Variants in DKK2 observed in about 807,000 individuals in gnomAD.
DKK2 encodes the protein dickkopf-related protein 2.
In DKK2, 11 loss-of-function variants were observed where a neutral mutation model predicts 28.1. The ratio of observed to expected loss-of-function variants is 0.39; its 90% CI spans 0.25 to 0.65. The LOEUF is 0.65. Among genes scored for constraint, DKK2 ranks in the 30% least tolerant of loss-of-function variants. The probability of loss-of-function intolerance (pLI) is 0.47; values close to 1 mark genes in which losing one functional copy is unlikely to be tolerated. For synonymous variants in DKK2, 135 were observed against 126.5 expected (o/e 1.07, Z -0.45); for missense variants, 326 against 335.5 (o/e 0.97, Z 0.22).
At chr4:106,977,899 G>C (rs62314191) in intron 1 of DKK2, among the ~76,000 whole-genome samples, 1 of 152,250 alleles carries the variant, frequency 6.6e-6, no homozygotes, top group African/African-American at 2.4e-5. Flanking sequence ...CTTTGATGTT[G>C]GTGACCTTCA....
At chr4:107,025,585 A>C (rs1723766735) in intron 1 of DKK2, among the ~76,000 whole-genome samples, 1 of 152,196 alleles carries the variant, frequency 6.6e-6, no homozygotes, top group South Asian at 2.1e-4. Context: ...AGCAGCCTGC[A>C]TTCTTAGCAG....
At chr4:107,027,740 A>ACCT (rs971896127) in intron 1 of DKK2, among the ~76,000 whole-genome samples, 7 of 145,696 alleles carry the variant, frequency 4.8e-5, no homozygotes, top group Non-Finnish European at 1.0e-4. Context: ...CTTGCTTATG[A>ACCT]CCTCCACCTA....
At chr4:106,969,192 G>A (rs1722825447) in intron 1 of DKK2, among the ~76,000 whole-genome samples, 1 of 151,212 alleles carries the variant, frequency 6.6e-6, no homozygotes, top group Non-Finnish European at 1.5e-5. Context: ...CCTTTGCTCT[G>A]CTTTTGCTCA....
At chr4:106,946,554 TAGAC>T (rs774458238) in intron 1 of DKK2, among the ~76,000 whole-genome samples, 3 of 152,070 alleles carry the variant, frequency 2.0e-5, no homozygotes, top group East Asian at 1.9e-4. Flanking sequence ...CTCTGCAACA[TAGAC>T]AGAACTCCCA....
intron 1 of DKK2, among the ~76,000 whole-genome samples, chr4:106,964,309 A>T (rs925143822): frequency 1.3e-5 from 2 of 152,134 alleles, no homozygotes; most frequent in Non-Finnish European, 2.9e-5. Flanking sequence ...AAAAATATTG[A>T]ACTCCTGGAG....
chr4:106,967,050 C>A (rs1722793368), intron 1 of DKK2, among the ~76,000 whole-genome samples: 1 of 152,060 alleles, frequency 6.6e-6, no homozygotes, highest in African/African-American at 2.4e-5. Flanking sequence ...GTATTTAAAG[C>A]TTTACAGTTA....
In DKK2 at chr4:106,926,090, G is replaced by A. The variant is rs1401490749; in HGVS notation, c.223-141C>T. 5 of 902,196 alleles carry A rather than the reference G, an allele frequency of 5.5e-6. No homozygotes were observed. In the East Asian group the frequency reaches 1.4e-4, roughly 25 times the overall value. The allele number at this position is 902,196 out of a possible 1,614,324, so 55.9% of individuals were successfully genotyped here. On this transcript the variant is annotated intron_variant, in intron 1 of 3. Transcript: ENST00000285311. ...AACTATACCATCATCATAATGTTCT[G>A]AACCTAGAGCCTAAGTAGTCACACT...
At chr4:106,960,410 G>C (rs1469124906) in intron 1 of DKK2, among the ~76,000 whole-genome samples, 1 of 151,982 alleles carries the variant, frequency 6.6e-6, no homozygotes, top group Non-Finnish European at 1.5e-5. Context: ...ATGGATACTG[G>C]AGACTCAGAA....
rs539098254 is a variant in DKK2 at position 106,945,286 on chromosome 4, A to T, written c.223-19337T>A. On this transcript the variant is annotated intron_variant, in intron 1 of 3. Transcript: ENST00000285311. The stretch of plus-strand genomic sequence containing the variant: ...GATGCTTCCAAGAAACATTAGAATG[A>T]TTTTCTTATATAGAAATGTTAATAA... 4.3e-4 allele frequency among the ~76,000 whole-genome samples: 66 copies of T among 152,248 alleles called. No homozygotes were observed. In the South Asian group the frequency reaches 0.014, roughly 32 times the overall value.
intron 3 of DKK2, 51 bp from the exon 4 acceptor site, chr4:106,924,255 A>C (rs1724392904): frequency 6.3e-7 from 1 of 1,584,476 alleles, no homozygotes; most frequent in Non-Finnish European, 8.6e-7. Context: ...AGAAAAAAAA[A>C]ATTCTATTTT....
chr4:106,962,080 C>T (rs1722695117), intron 1 of DKK2, among the ~76,000 whole-genome samples: 1 of 152,144 alleles, frequency 6.6e-6, no homozygotes, highest in Non-Finnish European at 1.5e-5. Flanking sequence ...GAAAACAGGA[C>T]ATCTTTATTT....
chr4:106,946,595 G>A (rs1724779962), intron 1 of DKK2, among the ~76,000 whole-genome samples: 1 of 152,050 alleles, frequency 6.6e-6, no homozygotes, highest in Non-Finnish European at 1.5e-5. Context: ...GCAGCCAGCT[G>A]AAGACATAAT....
At chr4:106,941,066 A>G (rs559895882) in intron 1 of DKK2, among the ~76,000 whole-genome samples, 3 of 152,108 alleles carry the variant, frequency 2.0e-5, no homozygotes, top group African/African-American at 7.2e-5. Flanking sequence ...TATGTAACTA[A>G]CCTGCACAAT....
At chr4:106,925,749 T>C in intron 2 of DKK2, 50 bp downstream of exon 2, 1 of 1,563,940 alleles carries the variant, frequency 6.4e-7, no homozygotes, top group South Asian at 1.2e-5. Flanking sequence ...GAGACAGGCT[T>C]ATGATGATGA....
At chr4:106,956,973 A>G (rs1382353584) in intron 1 of DKK2, among the ~76,000 whole-genome samples, 1 of 151,676 alleles carries the variant, frequency 6.6e-6, no homozygotes, top group Non-Finnish European at 1.5e-5. Context: ...GCAACCTACA[A>G]AATGGGAGAA....
intron 1 of DKK2, among the ~76,000 whole-genome samples, chr4:107,023,452 T>C (rs1723725244): frequency 6.6e-6 from 1 of 151,980 alleles, no homozygotes; most frequent in African/African-American, 2.4e-5. Context: ...CTAGATACAG[T>C]ACAAAGATAA....
intron 1 of DKK2, among the ~76,000 whole-genome samples, chr4:106,992,545 T>C (rs1339797923): frequency 6.6e-6 from 1 of 152,186 alleles, no homozygotes; most frequent in South Asian, 2.1e-4. Context: ...GGATTGTATA[T>C]GAAAATAAAT....
intron 1 of DKK2, among the ~76,000 whole-genome samples, chr4:106,993,219 C>T (rs1723228974): frequency 6.6e-6 from 1 of 152,182 alleles, no homozygotes. Flanking sequence ...TGGACAAATA[C>T]TGAAAGAAGC....
intron 1 of DKK2, among the ~76,000 whole-genome samples, chr4:106,945,254 T>C (rs1724759143): frequency 6.6e-6 from 1 of 152,122 alleles, no homozygotes; most frequent in South Asian, 2.1e-4. Flanking sequence ...ATTTACAACT[T>C]GCAAGTGATG....
Sources: gnomAD v4.1 joint callset for allele counts (sites outside exome capture counted in the v4.1 genomes callset) on GRCh38, gnomAD v4.1.1 for gene constraint, MANE v1.5 for transcripts, NCBI Gene and HGNC (gene_info 2026-07-23, HGNC 2026-07-21) for gene names.